HS6ST3: variants seen among roughly 807,000 people sequenced by gnomAD.
HS6ST3 encodes heparan-sulfate 6-O-sulfotransferase 3.
Under a neutral mutation model 36.7 loss-of-function variants are expected in HS6ST3, and 12 were observed. That is an observed-to-expected ratio of 0.33 (90% CI 0.21 to 0.53). The LOEUF (loss-of-function observed/expected upper bound fraction) is 0.53, where lower values mean the gene tolerates loss of function less well. Ranked by LOEUF, HS6ST3 falls within the 20% of genes least tolerant of loss-of-function variation. HS6ST3 has a pLI of 0.95. For missense variants in HS6ST3, 584 were observed against 640.9 expected, an observed-to-expected ratio of 0.91 and a Z score of 0.96; for synonymous variants, 240 against 257.5, an observed-to-expected ratio of 0.93 and a Z score of 0.65.
chr13:96,552,193 G>T (rs1351619103), intron 1 of HS6ST3, among the ~76,000 whole-genome samples: 2 of 152,212 alleles, frequency 1.3e-5, no homozygotes, highest in East Asian at 3.8e-4. Flanking sequence ...TATTACAGAA[G>T]TACAGAGGCT....
At chr13:96,727,834 C>G (rs1566439513) in intron 1 of HS6ST3, among the ~76,000 whole-genome samples, 1 of 152,190 alleles carries the variant, frequency 6.6e-6, no homozygotes, top group Non-Finnish European at 1.5e-5. Context: ...CATGCTATTT[C>G]TTTCTGGAAC....
chr13:96,204,700 C>G (rs959012857), intron 1 of HS6ST3, among the ~76,000 whole-genome samples: 2 of 152,114 alleles, frequency 1.3e-5, no homozygotes, highest in Non-Finnish European at 2.9e-5. Flanking sequence ...CACTCATAAA[C>G]CACACAACTA....
chr13:96,595,762 C>T (rs1161307045), intron 1 of HS6ST3, among the ~76,000 whole-genome samples: 1 of 151,668 alleles, frequency 6.6e-6, no homozygotes, highest in East Asian at 1.9e-4. Flanking sequence ...TTTCAAATAA[C>T]CTGTATTCAA....
chr13:96,183,689 C>T (rs368796653), intron 1 of HS6ST3, among the ~76,000 whole-genome samples: 2 of 152,126 alleles, frequency 1.3e-5, no homozygotes. Context: ...AGACAGATAC[C>T]GAATGATTCC....
chr13:96,410,234 A>G (rs946389551), intron 1 of HS6ST3, among the ~76,000 whole-genome samples: 3 of 152,156 alleles, frequency 2.0e-5, no homozygotes, highest in Non-Finnish European at 4.4e-5. Context: ...TACACATCAA[A>G]AGGTTAAGAT....
chr13:96,761,240 C>T (rs1306025640), intron 1 of HS6ST3, among the ~76,000 whole-genome samples: 1 of 151,644 alleles, frequency 6.6e-6, no homozygotes, highest in African/African-American at 2.4e-5. Context: ...TATCAAGGAG[C>T]ATAGTTGGGG....
At chr13:96,448,375 C>T (rs981652519) in intron 1 of HS6ST3, among the ~76,000 whole-genome samples, 12 of 152,102 alleles carry the variant, frequency 7.9e-5, no homozygotes, top group Admixed American at 4.6e-4. Context: ...GTTTTCCCCT[C>T]GTTTAAAATT....
At chr13:96,474,540 C>A in intron 1 of HS6ST3, among the ~76,000 whole-genome samples, 1 of 152,104 alleles carries the variant, frequency 6.6e-6, no homozygotes, top group East Asian at 1.9e-4. Flanking sequence ...TATGCATTAC[C>A]ACATCAATAT....
intron 1 of HS6ST3, among the ~76,000 whole-genome samples, chr13:96,653,716 A>G (rs1258799595): frequency 6.6e-6 from 1 of 152,188 alleles, no homozygotes; most frequent in Non-Finnish European, 1.5e-5. Flanking sequence ...TCCTTTGGGT[A>G]TAGAACCAGT....
At chr13:96,106,925 A>C (rs895062311) in intron 1 of HS6ST3, among the ~76,000 whole-genome samples, 2 of 152,232 alleles carry the variant, frequency 1.3e-5, no homozygotes, top group Non-Finnish European at 2.9e-5. Flanking sequence ...ATCTGTGATT[A>C]TACATTTGAA....
intron 1 of HS6ST3, among the ~76,000 whole-genome samples, chr13:96,156,406 GA>G (rs2054110743): frequency 1.3e-5 from 2 of 152,216 alleles, no homozygotes; most frequent in Admixed American, 1.3e-4. Flanking sequence ...GAGAAATCCA[GA>G]GAGTGAAAGG....
intron 1 of HS6ST3, among the ~76,000 whole-genome samples, chr13:96,575,629 A>G (rs2056317746): frequency 6.6e-6 from 1 of 152,234 alleles, no homozygotes; most frequent in Non-Finnish European, 1.5e-5. Context: ...AGCTTGCCTA[A>G]CAGGTTTGGA....
At chr13:96,486,001 C>T (rs1168294705) in intron 1 of HS6ST3, among the ~76,000 whole-genome samples, 1 of 148,694 alleles carries the variant, frequency 6.7e-6, no homozygotes, top group Non-Finnish European at 1.5e-5. Flanking sequence ...TCTCCTAATG[C>T]TATCCCTCCC....
chr13:96,334,661 G>A (rs61966932), intron 1 of HS6ST3, among the ~76,000 whole-genome samples: 10,686 of 152,008 alleles, frequency 0.07, 462 homozygotes, highest in Middle Eastern at 0.12. Flanking sequence ...CAAGAAGGAG[G>A]GTTTTCCCCT....
At chr13:96,272,886 A>G (rs2054728152) in intron 1 of HS6ST3, among the ~76,000 whole-genome samples, 1 of 151,990 alleles carries the variant, frequency 6.6e-6, no homozygotes, top group Non-Finnish European at 1.5e-5. Flanking sequence ...CCTAAAGAAT[A>G]CTAAGTGCGT....
chr13:96,577,190 GGT>G (rs1452558907), intron 1 of HS6ST3, among the ~76,000 whole-genome samples: 1 of 151,918 alleles, frequency 6.6e-6, no homozygotes, highest in East Asian at 1.9e-4. Flanking sequence ...GACAGGCCCT[GGT>G]GTGTGATGTT....
intron 1 of HS6ST3, among the ~76,000 whole-genome samples, chr13:96,157,769 A>G (rs569345686): frequency 6.6e-6 from 1 of 152,354 alleles, no homozygotes; most frequent in South Asian, 2.1e-4. Flanking sequence ...TTAGTGTGCA[A>G]GAGGACTCAA....
intron 1 of HS6ST3, among the ~76,000 whole-genome samples, chr13:96,431,379 G>A (rs1451256305): frequency 6.6e-6 from 1 of 152,162 alleles, no homozygotes; most frequent in African/African-American, 2.4e-5. Flanking sequence ...AGTCTCTCCA[G>A]AGTGATTGAC....
intron 1 of HS6ST3, among the ~76,000 whole-genome samples, chr13:96,558,208 GA>G (rs951441118): frequency 2.6e-5 from 4 of 151,848 alleles, no homozygotes; most frequent in South Asian, 2.1e-4. Flanking sequence ...ATTCTTTGGG[GA>G]AAAAAAGTAC....
Sources: allele counts gnomAD v4.1 joint callset (sites outside exome capture counted in the v4.1 genomes callset), GRCh38; gene constraint gnomAD v4.1.1; transcripts MANE v1.5; gene names NCBI Gene and HGNC (gene_info 2026-07-23, HGNC 2026-07-21).